Variants in HIP1 observed in about 807,000 individuals in gnomAD.
HIP1 encodes the protein huntingtin-interacting protein 1.
In HIP1, 65 loss-of-function variants were observed where a neutral mutation model predicts 147.6. The observed-to-expected ratio is 0.44, with a 90% CI of 0.36 to 0.54. The LOEUF is 0.54. Ranked by LOEUF, HIP1 falls within the 20% of genes least tolerant of loss-of-function variation. The pLI, the probability that HIP1 is intolerant of heterozygous loss-of-function variation, is 0.00. For missense variants in HIP1, 1,061 were observed against 1,299.6 expected, an observed-to-expected ratio of 0.82 and a Z score of 2.82; for synonymous variants, 479 against 504.0, an observed-to-expected ratio of 0.95 and a Z score of 0.67.
intron 1 of HIP1, among the ~76,000 whole-genome samples, chr7:75,697,398 A>G (rs1800673731): frequency 6.6e-6 from 1 of 152,102 alleles, no homozygotes; most frequent in African/African-American, 2.4e-5. Flanking sequence ...CTCTAAAAAA[A>G]CACAGTTCTC....
rs782080973 is a variant in HIP1, at chr7:75,559,728, T to G, written c.1375+4A>C. 4 of 214,546 alleles carry G rather than the reference T, an allele frequency of 1.9e-5. No individual in the cohort carries two copies. The highest frequency in any genetic ancestry group is 4.1e-5 in the South Asian group (1 of 24,176). The allele number at this position is 214,546 out of a possible 1,614,324, so 13.3% of individuals were successfully genotyped here. A position where few individuals can be genotyped will look rare whatever the true frequency, so the allele number is the denominator to read the frequency against. ...GCCCGCCCCCGCCCCCACCCACCGC[T>G]CACTTTCTATCTCAGACAGGCTCCG... On this transcript the variant is annotated splice_donor_region_variant and intron_variant, in intron 14 of 30. Transcript: ENST00000336926.
At chr7:75,603,411 C>T (rs768978523) in intron 1 of HIP1, among the ~76,000 whole-genome samples, 2 of 151,362 alleles carry the variant, frequency 1.3e-5, no homozygotes, top group Non-Finnish European at 2.9e-5. Context: ...CCTTGCAAGA[C>T]GGTGAGAGAA....
chr7:75,730,338 A>AG (rs1269262376), intron 1 of HIP1, among the ~76,000 whole-genome samples: 5 of 144,580 alleles, frequency 3.5e-5, no homozygotes, highest in African/African-American at 1.3e-4. Flanking sequence ...TCTGTAAAAT[A>AG]GGATTTTTTT....
rs1323553043 is a variant in HIP1 at position 75,586,782 on chromosome 7, G to C, written c.436C>G (p.Leu146Val). ...GTGTGGTACTCCATCTTGGTTCTTA[G>C]CAGTTTCAGGTAGATGCTGCACAGC... Reference protein sequence around the residue: ...GQLCSIYLKLLRTKMEYHTKN... With the variant: ...GQLCSIYLKLVRTKMEYHTKN... The change falls in exon 5 of 31, where the codon CTA (leucine) becomes GTA (valine). Residue 146 changes from leucine to valine, a missense_variant. Physicochemically the swap from Leu to Val is conservative, Grantham distance 32. Coordinates refer to ENST00000336926, the MANE Select transcript of HIP1 (RefSeq NM_005338.7). 2 of 1,613,554 alleles carry C rather than the reference G, an allele frequency of 1.2e-6. No individual in the cohort carries two copies. Among genetic ancestry groups the C allele is most frequent in the Non-Finnish European group, 1.7e-6 (2 of 1,179,554 alleles).
intron 1 of HIP1, among the ~76,000 whole-genome samples, chr7:75,609,634 T>A (rs1296491932): frequency 6.6e-6 from 1 of 151,862 alleles, no homozygotes; most frequent in Non-Finnish European, 1.5e-5. Flanking sequence ...CTCGGCTCAG[T>A]GCAACCTCCT....
At chr7:75,564,825 TG>T (rs1230707740) in intron 9 of HIP1, among the ~76,000 whole-genome samples, 1 of 152,122 alleles carries the variant, frequency 6.6e-6, no homozygotes, top group Non-Finnish European at 1.5e-5. Context: ...CTCAAACTCC[TG>T]GGCTCAAGCC....
intron 1 of HIP1, among the ~76,000 whole-genome samples, chr7:75,667,233 A>G (rs1196616821): frequency 6.6e-6 from 1 of 152,144 alleles, no homozygotes; most frequent in Non-Finnish European, 1.5e-5. Context: ...CTGGCAACAT[A>G]CCCTGAGAAT....
chr7:75,602,278 G>A (rs1261798771), intron 1 of HIP1, among the ~76,000 whole-genome samples: 1 of 149,044 alleles, frequency 6.7e-6, no homozygotes, highest in Non-Finnish European at 1.5e-5. Flanking sequence ...TGGGATTACA[G>A]GCGTGAGCCA....
At chr7:75,639,263 C>A in intron 1 of HIP1, 5 of 80,298 alleles carry the variant, frequency 6.2e-5, no homozygotes, top group Non-Finnish European at 8.5e-5. Flanking sequence ...GGAGGGGAGG[C>A]GGCGAGGGGG....
At chr7:75,715,774 CAAAA>C (rs34769081) in intron 1 of HIP1, among the ~76,000 whole-genome samples, 4 of 36,710 alleles carry the variant, frequency 1.1e-4, no homozygotes, top group East Asian at 2.0e-3. Flanking sequence ...GATCCTGTCT[CAAAA>C]AAAAAAAAAA....
intron 1 of HIP1, among the ~76,000 whole-genome samples, chr7:75,656,360 A>C (rs77427322): frequency 0.02 from 3,028 of 151,716 alleles, 32 homozygotes; most frequent in Middle Eastern, 0.034. Context: ...AGTGAGAAGA[A>C]GTTCTCACTC....
At position 75,534,135 on chromosome 7, in the gene HIP1, C is replaced by T. The variant is rs782661927; in HGVS notation, c.*4037G>A. On this transcript the variant is annotated 3_prime_UTR_variant, in exon 31 of 31. Coordinates refer to ENST00000336926, the MANE Select transcript of HIP1 (RefSeq NM_005338.7). ...CTGAGAACTAGCTCCTGCACAGGGT[C>T]GAGGGGCCAAAGCCAACTAATCTGA... The T allele has an allele frequency of 3.0e-5, 7 of 230,390 alleles. No individual in the cohort carries two copies. The highest frequency in any genetic ancestry group is 1.1e-4 in the African/African-American group (5 of 45,170). 14.3% of individuals were successfully genotyped at this position (230,390 alleles called of 1,614,324 possible).
intron 1 of HIP1, among the ~76,000 whole-genome samples, chr7:75,599,566 TC>T (rs1395999006): frequency 6.6e-6 from 1 of 152,032 alleles, no homozygotes; most frequent in East Asian, 1.9e-4. Flanking sequence ...ATGCTTTTCA[TC>T]CCCCAGGGAA....
chr7:75,621,286 G>C (rs1797838867), intron 1 of HIP1, among the ~76,000 whole-genome samples: 1 of 150,568 alleles, frequency 6.6e-6, no homozygotes, highest in South Asian at 2.1e-4. Context: ...CAGAAGCCCA[G>C]CTGGCAGGCG....
chr7:75,662,879 G>C (rs1379966806), intron 1 of HIP1, among the ~76,000 whole-genome samples: 1 of 152,114 alleles, frequency 6.6e-6, no homozygotes, highest in Non-Finnish European at 1.5e-5. Context: ...AGAGAATGGG[G>C]ACAGGGACAG....
intron 9 of HIP1, among the ~76,000 whole-genome samples, chr7:75,567,917 T>G (rs1795469517): frequency 6.6e-6 from 1 of 150,584 alleles, no homozygotes; most frequent in Admixed American, 6.6e-5. Flanking sequence ...CAGGCCATCC[T>G]CCTGCCTCAG....
At chr7:75,592,212 A>G in intron 3 of HIP1, 100 bp from the exon 4 acceptor site, 1 of 1,381,894 alleles carries the variant, frequency 7.2e-7, no homozygotes, top group Non-Finnish European at 1.0e-6. Context: ...GGGCAGGGGG[A>G]CAGGCTGATG....
chr7:75,605,326 G>T (rs1266419998), intron 1 of HIP1, among the ~76,000 whole-genome samples: 2 of 152,194 alleles, frequency 1.3e-5, no homozygotes, highest in Non-Finnish European at 2.9e-5. Context: ...AGGCACCAAA[G>T]TGGAAGGGCA....
At chr7:75,572,779 A>T (rs1795692688) in intron 8 of HIP1, among the ~76,000 whole-genome samples, 1 of 152,070 alleles carries the variant, frequency 6.6e-6, no homozygotes, top group African/African-American at 2.4e-5. Context: ...CACCCAAAAC[A>T]CAGCTGCAGA....
Sources: gnomAD v4.1 joint callset for allele counts (sites outside exome capture counted in the v4.1 genomes callset) on GRCh38, gnomAD v4.1.1 for gene constraint, MANE v1.5 for transcripts, NCBI Gene and HGNC (gene_info 2026-07-23, HGNC 2026-07-21) for gene names.